The following ZNF385D variants were observed in gnomAD, a reference collection of about 807,000 sequenced individuals.
ZNF385D encodes the protein zinc finger protein 385D.
ZNF385D carries 15 observed loss-of-function variants against 35.8 expected under a neutral mutation model. That is an observed-to-expected ratio of 0.42 (90% CI 0.28 to 0.64). ZNF385D has a LOEUF of 0.64. Among genes scored for constraint, ZNF385D ranks in the 30% least tolerant of loss-of-function variants. The probability of loss-of-function intolerance (pLI) is 0.23; values close to 1 mark genes in which losing one functional copy is unlikely to be tolerated. For missense variants in ZNF385D, 474 were observed against 494.6 expected (o/e 0.96, Z 0.39); for synonymous variants, 212 against 186.8 (o/e 1.13, Z -1.10).
chr3:21,686,989 G>C (rs955053240), intron 1 of ZNF385D, among the ~76,000 whole-genome samples: 5 of 152,160 alleles, frequency 3.3e-5, no homozygotes, highest in Admixed American at 1.3e-4. Context: ...GTCTTGACCA[G>C]TGGAATGTGG....
intron 3 of ZNF385D, among the ~76,000 whole-genome samples, chr3:21,773,747 T>C (rs1281294351): frequency 7.5e-6 from 1 of 134,040 alleles, no homozygotes; most frequent in East Asian, 2.0e-4. Flanking sequence ...TCAGAATGGA[T>C]ATTATTAAAA....
chr3:21,905,314 C>A (rs990800846), intron 3 of ZNF385D, among the ~76,000 whole-genome samples: 1 of 149,724 alleles, frequency 6.7e-6, no homozygotes, highest in African/African-American at 2.5e-5. Context: ...GTATGCATAA[C>A]TCAAGCTGTG....
intron 3 of ZNF385D, among the ~76,000 whole-genome samples, chr3:22,128,472 T>G (rs1482377616): frequency 6.6e-6 from 1 of 152,180 alleles, no homozygotes; most frequent in Non-Finnish European, 1.5e-5. Context: ...CTGAATTAAC[T>G]TTCTCACCAA....
At chr3:21,770,542 C>T (rs1032542894) in intron 3 of ZNF385D, among the ~76,000 whole-genome samples, 2 of 152,114 alleles carry the variant, frequency 1.3e-5, no homozygotes, top group African/African-American at 2.4e-5. Flanking sequence ...CAATGAGATA[C>T]CATCTCACAC....
intron 2 of ZNF385D, among the ~76,000 whole-genome samples, chr3:22,329,075 T>A (rs1206871474): frequency 3.5e-4 from 10 of 28,478 alleles, no homozygotes; most frequent in African/African-American, 9.7e-4. Flanking sequence ...AGACTCCGTC[T>A]CAAAAAAAAA....
chr3:22,288,135 C>T (rs1216655594), intron 2 of ZNF385D, among the ~76,000 whole-genome samples: 1 of 151,940 alleles, frequency 6.6e-6, no homozygotes, highest in Non-Finnish European at 1.5e-5. Context: ...AATAGTTTTA[C>T]GGAAGTTTCC....
rs372366289 is a variant in ZNF385D at position 22,137,905 on chromosome 3, G to A, written c.325+30912C>T. Among the ~76,000 whole-genome samples, 3 of 152,170 alleles carry A rather than the reference G, an allele frequency of 2.0e-5. No homozygotes were observed. In the East Asian group the frequency reaches 5.8e-4, roughly 29 times the overall value. ...GTCCCTGTTTGCAGATGACATGATT[G>A]TATATCTAGAAAACCCCATCGTCTC... is the stretch of plus-strand genomic sequence containing the variant. On this transcript the variant is annotated intron_variant, in intron 3 of 5. Transcript: ENST00000494108.
intron 2 of ZNF385D, among the ~76,000 whole-genome samples, chr3:22,294,294 A>G (rs1275923456): frequency 6.6e-6 from 1 of 151,974 alleles, no homozygotes; most frequent in Non-Finnish European, 1.5e-5. Flanking sequence ...TGCCTCTCCT[A>G]TTGGTGCCTC....
chr3:22,000,786 G>A (rs1261103163), intron 3 of ZNF385D, among the ~76,000 whole-genome samples: 1 of 150,820 alleles, frequency 6.6e-6, no homozygotes, highest in Non-Finnish European at 1.5e-5. Context: ...CGTTAATGAA[G>A]AATAATATAC....
In ZNF385D at chr3:21,668,476, T is replaced by C. The variant is rs77859291; in HGVS notation, c.23-3448A>G. Among the ~76,000 whole-genome samples the C allele has an allele frequency of 3.3e-3, 508 of 152,278 alleles. 2 individuals are homozygous for C. The highest frequency in any genetic ancestry group is 0.012 in the African/African-American group (493 of 41,546). ...TGATGTTTCCATGAGCACTCCCTAA[T>C]AAAGTCTCAGAGCTCACTTTCAGAA... On this transcript the variant is annotated intron_variant, in intron 1 of 7. Coordinates refer to ENST00000281523, the MANE Select transcript of ZNF385D (RefSeq NM_024697.3).
intron 3 of ZNF385D, among the ~76,000 whole-genome samples, chr3:21,931,882 C>T (rs567411406): frequency 1.3e-5 from 2 of 151,830 alleles, no homozygotes; most frequent in Non-Finnish European, 2.9e-5. Flanking sequence ...TGACTTGAGG[C>T]CGGGCGCGGT....
chr3:21,452,732 C>T (rs577731390), intron 4 of ZNF385D, among the ~76,000 whole-genome samples: 1 of 151,938 alleles, frequency 6.6e-6, no homozygotes, highest in East Asian at 1.9e-4. Flanking sequence ...GGAAAGGCAG[C>T]CCATGTTTGA....
intron 3 of ZNF385D, among the ~76,000 whole-genome samples, chr3:22,008,569 C>A (rs535959653): frequency 6.6e-6 from 1 of 152,054 alleles, no homozygotes; most frequent in East Asian, 1.9e-4. Context: ...TGTTAGCCAG[C>A]ATGGTCTCGA....
intron 3 of ZNF385D, among the ~76,000 whole-genome samples, chr3:21,920,263 A>T (rs1488047093): frequency 1.3e-5 from 2 of 152,182 alleles, no homozygotes; most frequent in Non-Finnish European, 2.9e-5. Context: ...ATTGTGACTT[A>T]ACACTATGAC....
chr3:22,275,978 A>C (rs1701407250), intron 2 of ZNF385D, among the ~76,000 whole-genome samples: 1 of 151,986 alleles, frequency 6.6e-6, no homozygotes, highest in Non-Finnish European at 1.5e-5. Flanking sequence ...CCAGCTACTC[A>C]GGAGGCTGAG....
chr3:21,713,281 C>A (rs962961581), intron 1 of ZNF385D, among the ~76,000 whole-genome samples: 7 of 152,188 alleles, frequency 4.6e-5, no homozygotes, highest in Admixed American at 2.0e-4. Flanking sequence ...TGCAGACCTG[C>A]ACTTGTCCAT....
upstream of ZNF385D, chr3:21,751,364 G>C: frequency 9.6e-7 from 1 of 1,041,734 alleles, no homozygotes; most frequent in Non-Finnish European, 1.2e-6. Flanking sequence ...AGTGAGGGGC[G>C]CGGGAGGCTC....
At chr3:21,754,065 A>G (rs2070230339), upstream of ZNF385D, among the ~76,000 whole-genome samples, 1 of 152,236 alleles carries the variant, frequency 6.6e-6, no homozygotes, top group Non-Finnish European at 1.5e-5. Flanking sequence ...TATATATGCG[A>G]CATCTTTGTT....
At chr3:22,190,208 C>T (rs1329633818) in intron 2 of ZNF385D, among the ~76,000 whole-genome samples, 1 of 152,054 alleles carries the variant, frequency 6.6e-6, no homozygotes, top group African/African-American at 2.4e-5. Flanking sequence ...CAAATACAGT[C>T]AAAGTTGAAA....
Sources: gnomAD v4.1 joint callset for allele counts (sites outside exome capture counted in the v4.1 genomes callset) on GRCh38, gnomAD v4.1.1 for gene constraint, MANE v1.5 for transcripts, NCBI Gene and HGNC (gene_info 2026-07-23, HGNC 2026-07-21) for gene names.